FOCAD: variants seen among roughly 807,000 people sequenced by gnomAD.
The protein encoded by FOCAD is KIAA1797.
Under a neutral mutation model 225.6 loss-of-function variants are expected in FOCAD, and 198 were observed. That is an observed-to-expected ratio of 0.88 (90% confidence interval 0.78 to 0.99). The LOEUF (loss-of-function observed/expected upper bound fraction) is 0.99, where lower values mean the gene tolerates loss of function less well. FOCAD is among the 50% of genes least tolerant of loss of function. The probability of loss-of-function intolerance (pLI) is 0.00; values close to 1 mark genes in which losing one functional copy is unlikely to be tolerated. For synonymous variants in FOCAD, 897 were observed against 755.0 expected (o/e 1.19, Z -3.08); for missense variants, 2,713 against 2,123.6 (o/e 1.28, Z -5.46).
At chr9:20,781,950 T>A (rs1461550738) in intron 10 of FOCAD, 21 bp downstream of exon 10, 1 of 1,605,018 alleles carries the variant, frequency 6.2e-7, no homozygotes, top group Admixed American at 1.7e-5. Flanking sequence ...TATCCTTGTT[T>A]CTCTTAAATA....
At chr9:20,874,143 T>C (rs1219829239) in intron 18 of FOCAD, 1 of 152,198 alleles carries the variant, frequency 6.6e-6, no homozygotes, top group East Asian at 1.9e-4. Flanking sequence ...AGTGTTTTTG[T>C]ATTCCACAGC....
chr9:20,975,365 G>A (rs1840139934), intron 35 of FOCAD, among the ~76,000 whole-genome samples: 1 of 152,134 alleles, frequency 6.6e-6, no homozygotes. Context: ...TATGTCATAG[G>A]CAGCTGGTTA....
At position 20,758,126 on chromosome 9, in the gene FOCAD, C is replaced by T. The variant is rs1397737240; in HGVS notation, c.429C>T (p.His143=). 2 of 1,612,306 alleles carry T rather than the reference C, an allele frequency of 1.2e-6. No individual in the cohort carries two copies. The highest frequency in any genetic ancestry group is 2.7e-5 in the African/African-American group (2 of 74,830). ...HPHPLITVLE[H]RPDCWPVFLQ... Reference sequence around the variant, plus strand: ...ATCCTTTGATAACTGTGCTTGAACACAGACCTGATTGCTGGCCAGTGTTTT... The same window carrying T: ...ATCCTTTGATAACTGTGCTTGAACATAGACCTGATTGCTGGCCAGTGTTTT... Residue 143 remains histidine (H), a synonymous_variant, in exon 6 of 44, where the codon CAC becomes CAT. Coordinates refer to ENST00000338382, the MANE Select transcript of FOCAD (RefSeq NM_001375567.1).
At chr9:20,685,278 C>G (rs796965055) in intron 1 of FOCAD, among the ~76,000 whole-genome samples, 27 of 150,000 alleles carry the variant, frequency 1.8e-4, no homozygotes, top group African/African-American at 5.7e-4. Context: ...ATAACTGTAT[C>G]AGTAATGACT....
chr9:20,826,473 A>G lies in FOCAD; in HGVS notation c.1920+3358A>G, dbSNP rs147625213. On this transcript the variant is annotated intron_variant, in intron 15 of 43. Coordinates refer to ENST00000338382, the MANE Select transcript of FOCAD (RefSeq NM_001375567.1). Reference sequence around the variant, plus strand: ...TGAAGGCTACACTGTCGGCTTCCCTACTTTTGAGGTTTTGGGACTCAGACT... The same window carrying G: ...TGAAGGCTACACTGTCGGCTTCCCTGCTTTTGAGGTTTTGGGACTCAGACT... Among the ~76,000 whole-genome samples, 323 of 152,074 alleles carry G rather than the reference A, an allele frequency of 2.1e-3. 6 individuals carry two copies. Among genetic ancestry groups the G allele is most frequent in the East Asian group, 0.02 (102 of 5,164 alleles).
intron 29 of FOCAD, 110 bp downstream of exon 29, chr9:20,944,884 C>A: frequency 8.5e-7 from 1 of 1,181,378 alleles, no homozygotes; most frequent in Non-Finnish European, 1.2e-6. Context: ...AATTCTTCCT[C>A]AAAGAGAAAA....
At chr9:20,747,187 A>G (rs1310012684) in intron 5 of FOCAD, among the ~76,000 whole-genome samples, 1 of 151,776 alleles carries the variant, frequency 6.6e-6, no homozygotes, top group Non-Finnish European at 1.5e-5. Flanking sequence ...CAACTCCACC[A>G]CTCCCTTTAT....
intron 35 of FOCAD, among the ~76,000 whole-genome samples, chr9:20,958,504 C>G (rs1838403811): frequency 6.6e-6 from 1 of 152,012 alleles, no homozygotes; most frequent in East Asian, 1.9e-4. Context: ...ATTAGTGTGT[C>G]TCTCATCTCA....
intron 1 of FOCAD, among the ~76,000 whole-genome samples, chr9:20,690,906 AT>A (rs34441239): frequency 2.2e-3 from 315 of 141,068 alleles, no homozygotes; most frequent in South Asian, 3.8e-3. Flanking sequence ...ACCTGTCAGC[AT>A]TTTTTTTTTT....
chr9:20,749,136 C>T (rs1450492846), intron 5 of FOCAD, among the ~76,000 whole-genome samples: 1 of 152,066 alleles, frequency 6.6e-6, no homozygotes, highest in African/African-American at 2.4e-5. Context: ...TAGTTCCAGA[C>T]TTCTGACATT....
intron 28 of FOCAD, among the ~76,000 whole-genome samples, chr9:20,934,206 T>C (rs1157684897): frequency 6.6e-6 from 1 of 152,206 alleles, no homozygotes; most frequent in Non-Finnish European, 1.5e-5. Flanking sequence ...AAAAGCTCTT[T>C]CGTTTAATTA....
At position 20,715,331 on chromosome 9, in the gene FOCAD, A is replaced by C. The variant is rs753065443; in HGVS notation, c.-23A>C. ...TTTGTTTTGGTTACAGAAGCTGCAC[A>C]CATACATGTAAGAGAAGCAAAAATG... On this transcript the variant is annotated 5_prime_UTR_variant, in exon 2 of 44. Transcript: ENST00000338382. The C allele has an allele frequency of 1.3e-6, 2 of 1,490,342 alleles. No individual in the cohort carries two copies. Among genetic ancestry groups the C allele is most frequent in the Non-Finnish European group, 9.0e-7 (1 of 1,108,262 alleles). The allele number at this position is 1,490,342 out of a possible 1,614,324, so 92.3% of individuals were successfully genotyped here. A position where few individuals can be genotyped will look rare whatever the true frequency, so the allele number is the denominator to read the frequency against.
At chr9:20,895,018 G>T (rs1831956879) in intron 21 of FOCAD, among the ~76,000 whole-genome samples, 1 of 151,954 alleles carries the variant, frequency 6.6e-6, no homozygotes. Flanking sequence ...TAAAGTCAGG[G>T]TCTAGATTCT....
intron 42 of FOCAD, among the ~76,000 whole-genome samples, chr9:20,991,736 G>A (rs931227683): frequency 2.0e-5 from 3 of 148,766 alleles, no homozygotes; most frequent in East Asian, 2.0e-4. Context: ...TCGCTTGAAC[G>A]CAGGAGGCGG....
In FOCAD at chr9:20,949,664, A is replaced by T; in HGVS notation, c.3937A>T (p.Thr1313Ser). 6.2e-7 allele frequency: 1 copy of T among 1,612,444 alleles called. No individual in the cohort carries two copies. Among genetic ancestry groups the T allele is most frequent in the Non-Finnish European group, 8.5e-7 (1 of 1,178,840 alleles). Residue 1313 changes from threonine to serine, a missense_variant, in exon 33 of 44, where the codon ACC becomes TCC. Coordinates refer to ENST00000338382, the MANE Select transcript of FOCAD (RefSeq NM_001375567.1). ...FQGRLNEVIR[T>S]LTQVISVSGV... ...AGGCAGACTTAATGAAGTCATTAGA[A>T]CCTTAACTCAGGTGAGAAAATGAAT...
chr9:20,741,438 C>G (rs1162539764), intron 5 of FOCAD, among the ~76,000 whole-genome samples: 2 of 151,952 alleles, frequency 1.3e-5, no homozygotes, highest in South Asian at 2.1e-4. Context: ...TTTGTGATCT[C>G]TTATTTTTAT....
At chr9:20,837,380 C>T (rs1826095484) in intron 15 of FOCAD, among the ~76,000 whole-genome samples, 2 of 152,084 alleles carry the variant, frequency 1.3e-5, no homozygotes, top group Admixed American at 1.3e-4. Context: ...TTAATGATGC[C>T]AGTTAACATC....
At chr9:20,832,646 C>G (rs1825621920) in intron 15 of FOCAD, among the ~76,000 whole-genome samples, 1 of 151,914 alleles carries the variant, frequency 6.6e-6, no homozygotes, top group East Asian at 1.9e-4. Flanking sequence ...CTTATTCATT[C>G]TCTTTTTTCT....
intron 11 of FOCAD, among the ~76,000 whole-genome samples, chr9:20,796,503 C>T (rs1426066983): frequency 2.6e-5 from 4 of 152,174 alleles, no homozygotes; most frequent in Non-Finnish European, 5.9e-5. Context: ...TAATGATCGC[C>T]ATTCTAACCA....
Sources: allele counts gnomAD v4.1 joint callset (sites outside exome capture counted in the v4.1 genomes callset), GRCh38; gene constraint gnomAD v4.1.1; transcripts MANE v1.5; gene names NCBI Gene and HGNC (gene_info 2026-07-23, HGNC 2026-07-21).